The following DMRT1 variants were observed in gnomAD, a reference collection of about 807,000 sequenced individuals.
DMRT1 encodes the protein doublesex and mab-3 related transcription factor 1.
A neutral mutation model predicts 32.3 loss-of-function variants in DMRT1; 7 were observed. The observed-to-expected ratio is 0.22, with a 90% CI of 0.12 to 0.41. The LOEUF (loss-of-function observed/expected upper bound fraction) is 0.41, where lower values mean the gene tolerates loss of function less well. Ranked by LOEUF, DMRT1 falls within the 10% of genes least tolerant of loss-of-function variation. The pLI, the probability that DMRT1 is intolerant of heterozygous loss-of-function variation, is 1.00. For synonymous variants in DMRT1, 278 were observed against 206.1 expected (o/e 1.35, Z -2.99); for missense variants, 625 against 500.5 (o/e 1.25, Z -2.37).
At chr9:887,456 G>C (rs1323861482) in intron 2 of DMRT1, among the ~76,000 whole-genome samples, 3 of 152,122 alleles carry the variant, frequency 2.0e-5, no homozygotes, top group Non-Finnish European at 1.5e-5. Flanking sequence ...TGGTTCCCTA[G>C]AGGAGAACTT....
At chr9:957,664 T>C (rs972398336) in intron 4 of DMRT1, among the ~76,000 whole-genome samples, 1 of 152,198 alleles carries the variant, frequency 6.6e-6, no homozygotes, top group African/African-American at 2.4e-5. Flanking sequence ...TTTCGATCCG[T>C]AGATGTTCTA....
At chr9:857,305 T>TC (rs1815439017) in intron 2 of DMRT1, among the ~76,000 whole-genome samples, 1 of 128,276 alleles carries the variant, frequency 7.8e-6, no homozygotes, top group African/African-American at 2.5e-5. Flanking sequence ...AGACTCTATC[T>TC]CAAAAAAAAT....
intron 4 of DMRT1, among the ~76,000 whole-genome samples, chr9:926,906 A>G (rs1198334438): frequency 6.6e-6 from 1 of 152,200 alleles, no homozygotes; most frequent in African/African-American, 2.4e-5. Flanking sequence ...TACATCACAA[A>G]TCATCAAGTT....
chr9:955,129 G>C (rs1819558690), intron 4 of DMRT1, among the ~76,000 whole-genome samples: 1 of 152,170 alleles, frequency 6.6e-6, no homozygotes, highest in East Asian at 1.9e-4. Context: ...GGAGTGGGGA[G>C]GGCCTGGAGA....
chr9:890,480 C>T (rs1289072541), intron 2 of DMRT1, among the ~76,000 whole-genome samples: 1 of 152,158 alleles, frequency 6.6e-6, no homozygotes, highest in Non-Finnish European at 1.5e-5. Context: ...AAAAGTGACA[C>T]CAATGCTGAC....
chr9:956,415 AG>A (rs2129977366), intron 4 of DMRT1, among the ~76,000 whole-genome samples: 1 of 152,106 alleles, frequency 6.6e-6, no homozygotes, highest in African/African-American at 2.4e-5. Context: ...AAAATGGTTA[AG>A]GGCCAGGTGT....
chr9:856,073 T>A (rs559433104), intron 2 of DMRT1, among the ~76,000 whole-genome samples: 1 of 152,032 alleles, frequency 6.6e-6, no homozygotes, highest in Non-Finnish European at 1.5e-5. Context: ...CCCGCCACCA[T>A]GCCCAGCTAA....
rs146297891 is a variant in DMRT1, at chr9:847,262, G to C, written c.538+119G>C. On this transcript the variant is annotated intron_variant, in intron 2 of 4. Transcript: ENST00000382276. ...CAGTGTTTAGAGCTTAGAGGATTCT[G>C]TAGAGGATTCTCCCTGTGAAGGGCT... The C allele has an allele frequency of 1.5e-3, 1,657 of 1,120,642 alleles. 16 individuals carry two copies. The highest frequency in any genetic ancestry group is 0.011 in the South Asian group (674 of 63,274). The allele number at this position is 1,120,642 out of a possible 1,614,324, so 69.4% of individuals were successfully genotyped here.
rs1193033009 is a variant in DMRT1, at chr9:894,074, C to T, written c.701C>T (p.Ala234Val). 6.2e-7 allele frequency: 1 copy of T among 1,614,264 alleles called. No individual in the cohort carries two copies. Among genetic ancestry groups the T allele is most frequent in the Non-Finnish European group, 8.5e-7 (1 of 1,180,048 alleles). The change falls in exon 3 of 5, where the codon GCC (alanine) becomes GTC (valine). Residue 234 changes from alanine (A) to valine (V), a missense_variant. Physicochemically the swap from Ala to Val is moderately conservative, Grantham distance 64 (BLOSUM62 0). Around this residue, in one of 3 missense-constraint regions of DMRT1, gnomAD observed 416 missense variants for 321.6 expected, o/e 1.29. Transcript: ENST00000382276. ...TACAACTGCCCGCAGTACTCCATGG[C>T]CTTGGCTGCTGATTCTGCTTCTGGG... ...NLYNCPQYSMALAADSASGEV... is the reference protein window; with the variant it reads ...NLYNCPQYSMVLAADSASGEV...
chr9:954,628 G>C (rs1819537163), intron 4 of DMRT1, among the ~76,000 whole-genome samples: 1 of 151,874 alleles, frequency 6.6e-6, no homozygotes, highest in Admixed American at 6.6e-5. Flanking sequence ...TTTTGTTGTT[G>C]TTGTTTGGGC....
intron 4 of DMRT1, among the ~76,000 whole-genome samples, chr9:950,227 C>G (rs16926587): frequency 0.14 from 21,687 of 151,982 alleles, 1,853 homozygotes; most frequent in African/African-American, 0.23. Context: ...CCTTAGACTT[C>G]AAAGCTGTCT....
At chr9:888,501 G>A (rs1453165902) in intron 2 of DMRT1, among the ~76,000 whole-genome samples, 1 of 151,952 alleles carries the variant, frequency 6.6e-6, no homozygotes, top group Non-Finnish European at 1.5e-5. Flanking sequence ...GAGGGGTTTT[G>A]TTTGCCCAGG....
At chr9:914,043 C>T (rs1336525494) in intron 3 of DMRT1, among the ~76,000 whole-genome samples, 2 of 152,062 alleles carry the variant, frequency 1.3e-5, no homozygotes. Context: ...TTAACAGGAC[C>T]CCCTGGCCAT....
chr9:903,915 A>G (rs1371891712), intron 3 of DMRT1, among the ~76,000 whole-genome samples: 1 of 152,130 alleles, frequency 6.6e-6, no homozygotes, highest in Non-Finnish European at 1.5e-5. Context: ...TTTTTCAGCA[A>G]CCTTCGGAAG....
At chr9:872,144 C>T (rs1033984494) in intron 2 of DMRT1, among the ~76,000 whole-genome samples, 1 of 151,274 alleles carries the variant, frequency 6.6e-6, no homozygotes, top group Non-Finnish European at 1.5e-5. Flanking sequence ...TCACTGCAAC[C>T]TCTGCCTCCC....
chr9:951,849 T>C (rs370359508), intron 4 of DMRT1, among the ~76,000 whole-genome samples: 2 of 152,154 alleles, frequency 1.3e-5, no homozygotes, highest in African/African-American at 4.8e-5. Flanking sequence ...TGGCACCTTC[T>C]TCTGATTCTG....
Position 853,850 on chromosome 9 carries a change from T to C in DMRT1, c.538+6707T>C, listed in dbSNP as rs574506504. ...TCATTCTGTCTCCCAGGCTGGAGTG[T>C]AGTGGCTCCATCATGGCTCACTGCA... On this transcript the variant is annotated intron_variant, in intron 2 of 4. Transcript: ENST00000382276. Among the ~76,000 whole-genome samples the C allele has an allele frequency of 2.4e-4, 37 of 152,038 alleles. No homozygotes were observed. In the South Asian group the frequency reaches 5.0e-3, roughly 21 times the overall value.
intron 2 of DMRT1, among the ~76,000 whole-genome samples, chr9:855,538 T>G (rs916160095): frequency 1.3e-5 from 2 of 152,262 alleles, no homozygotes; most frequent in East Asian, 3.9e-4. Flanking sequence ...GTAAGTGATC[T>G]GAACCCACCT....
Position 846,480 on chromosome 9 carries a change from A to T in DMRT1, c.355-480A>T, listed in dbSNP as rs16924786. Among the ~76,000 whole-genome samples, 23 of 151,836 alleles carry T rather than the reference A, an allele frequency of 1.5e-4. No homozygotes were observed. The South Asian group carries it at 4.2e-3, about 27-fold the overall frequency. ...CCTAATCTGTTAGTGCTTCTGACCC[A>T]CTCTACTCTTCAGATTGTACTCCTC... On this transcript the variant is annotated intron_variant, in intron 1 of 4. Transcript: ENST00000382276.
Sources: allele counts gnomAD v4.1 joint callset (sites outside exome capture counted in the v4.1 genomes callset), GRCh38; gene constraint gnomAD v4.1.1; regional missense constraint gnomAD v4.1.1; transcripts MANE v1.5; gene names NCBI Gene and HGNC (gene_info 2026-07-23, HGNC 2026-07-21).